Variants in NHS observed in about 807,000 individuals in gnomAD.
NHS encodes actin remodeling regulator NHS.
NHS carries 5 observed loss-of-function variants against 72.5 expected under a neutral mutation model. That is an observed-to-expected ratio of 0.07 (90% CI 0.04 to 0.14). The LOEUF (loss-of-function observed/expected upper bound fraction) is 0.14, where lower values mean the gene tolerates loss of function less well. NHS is among the 10% of genes least tolerant of loss of function. NHS has a pLI of 1.00. For synonymous variants in NHS, 464 were observed against 547.7 expected (o/e 0.85, Z 2.13); for missense variants, 1,072 against 1,355.7 (o/e 0.79, Z 3.29).
Position 17,724,329 on chromosome X carries a change from G to A in NHS, c.1139G>A (p.Arg380His), listed in dbSNP as rs2066427841. ...GGCTTTGACAGAGAGGCTAGTATAC[G>A]CTGCTCTCTGGTTCATTCACAATCG... is the stretch of plus-strand genomic sequence containing the variant. ...GVGFDREASI[R>H]CSLVHSQSVL... The change falls in exon 6 of 9, where the codon CGC becomes CAC. Residue 380 changes from arginine (R) to histidine (H), a missense_variant. Physicochemically the swap from Arg to His is conservative, Grantham distance 29. Coordinates refer to ENST00000676302, the MANE Select transcript of NHS (RefSeq NM_001291867.2). 2 of 1,211,319 alleles carry A rather than the reference G, an allele frequency of 1.7e-6. No homozygotes were observed. The highest frequency in any genetic ancestry group is 2.2e-6 in the Non-Finnish European group (2 of 895,208).
intron 1 of NHS, among the ~76,000 whole-genome samples, chrX:17,683,684 T>C (rs1181408788): frequency 1.8e-5 from 2 of 111,844 alleles, no homozygotes; most frequent in Admixed American, 1.9e-4. Context: ...CCACAAGAGC[T>C]TGTAGTCTTA....
At chrX:17,650,476 G>C (rs1226021935) in intron 1 of NHS, among the ~76,000 whole-genome samples, 3 of 112,232 alleles carry the variant, frequency 2.7e-5, no homozygotes. Flanking sequence ...TTTCAGTAAA[G>C]AAGTAAAATC....
At chrX:17,551,245 C>T (rs2065334746) in intron 1 of NHS, among the ~76,000 whole-genome samples, 1 of 111,864 alleles carries the variant, frequency 8.9e-6, no homozygotes, top group African/African-American at 3.3e-5. Context: ...CCTTATTTAA[C>T]ACTGTACCTG....
rs774571482 is a variant in NHS, at chrX:17,732,135, C to A, written c.4627C>A (p.Pro1543Thr). Reference protein sequence around the residue: ...RMSATEILKSPILPKPPGELT... With the variant: ...RMSATEILKSTILPKPPGELT... ...GTCTGCCACTGAGATCCTGAAGAGC[C>A]CCATACTGCCCAAACCTCCTGGGGA... The change falls in exon 9 of 9, where the codon CCC becomes ACC. Residue 1543 changes from proline to threonine, a missense_variant. Coordinates refer to ENST00000676302, the MANE Select transcript of NHS (RefSeq NM_001291867.2). 1.2e-5 allele frequency: 14 copies of A among 1,210,121 alleles called. No homozygotes were observed. The highest frequency in any genetic ancestry group is 1.5e-5 in the Non-Finnish European group (13 of 895,258).
intron 1 of NHS, among the ~76,000 whole-genome samples, chrX:17,542,869 T>C (rs142624660): frequency 0.026 from 2,912 of 111,901 alleles, 58 homozygotes; most frequent in Non-Finnish European, 0.041. Context: ...ACAAAATTGG[T>C]AGAATAATTA....
chrX:17,704,770 C>T (rs1214094341), intron 3 of NHS, among the ~76,000 whole-genome samples: 2 of 111,923 alleles, frequency 1.8e-5, no homozygotes, highest in Non-Finnish European at 3.8e-5. Flanking sequence ...TAAATAAAAA[C>T]TTCCAGACCA....
chrX:17,515,032 C>A (rs2065112727), intron 1 of NHS, among the ~76,000 whole-genome samples: 1 of 111,682 alleles, frequency 9.0e-6, no homozygotes, highest in African/African-American at 3.3e-5. Context: ...CAGCTTAGGT[C>A]ATCCTAGAGA....
At chrX:17,479,658 T>A (rs2064937798) in intron 1 of NHS, among the ~76,000 whole-genome samples, 1 of 112,533 alleles carries the variant, frequency 8.9e-6, no homozygotes, top group African/African-American at 3.2e-5. Context: ...GATGATGAGC[T>A]TTTTTTCATA....
chrX:17,381,671 C>T (rs375993999), intron 1 of NHS, among the ~76,000 whole-genome samples: 3 of 112,337 alleles, frequency 2.7e-5, no homozygotes, highest in African/African-American at 9.7e-5. Flanking sequence ...GTGTACATAC[C>T]ACAATTTCTT....
rs587780401 is a variant in NHS at position 17,376,088 on chromosome X, TCGG to T, written c.348_350del (p.Ala117del). ...GGCGCCCGCAGCCGGCGAGGCGTCCTCGGCGGCGGCGGCGGCGGCCGTGCTGCT... is the reference window on the plus strand; with the variant it reads ...GGCGCCCGCAGCCGGCGAGGCGTCCTCGGCGGCGGCGGCGGCCGTGCTGCT... On this transcript the variant is annotated inframe_deletion, in exon 1 of 9. Transcript: ENST00000676302. 1.4e-4 allele frequency: 155 copies of T among 1,074,393 alleles called. No individual in the cohort carries two copies. The highest frequency in any genetic ancestry group is 8.1e-4 in the Admixed American group (22 of 27,107). The allele number at this position is 1,074,393 out of a possible 1,213,427, so 88.5% of individuals were successfully genotyped here.
intron 1 of NHS, among the ~76,000 whole-genome samples, chrX:17,473,764 AATG>A (rs1327978890): frequency 1.8e-5 from 2 of 111,892 alleles, no homozygotes; most frequent in African/African-American, 6.5e-5. Flanking sequence ...CACATGTTGA[AATG>A]ATAATATTTT....
At chrX:17,632,324 C>A (rs938143332) in intron 1 of NHS, among the ~76,000 whole-genome samples, 31 of 111,042 alleles carry the variant, frequency 2.8e-4, no homozygotes, top group African/African-American at 9.8e-4. Flanking sequence ...CTATGATCAT[C>A]CCTCTCCTGA....
chrX:17,732,944 AATAG>A lies in NHS; in HGVS notation c.*483_*486del. Reference sequence around the variant, plus strand: ...ACCATATTTTTGATAAAAATGTGTAAATAGATTTATCAATGATGAGTGGACATGT... The same window carrying A: ...ACCATATTTTTGATAAAAATGTGTAAATTTATCAATGATGAGTGGACATGT... On this transcript the variant is annotated 3_prime_UTR_variant, in exon 9 of 9. Transcript: ENST00000676302. 6.9e-6 allele frequency: 1 copy of A among 145,817 alleles called. No individual in the cohort carries two copies. Among genetic ancestry groups the A allele is most frequent in the South Asian group, 1.8e-4 (1 of 5,687 alleles). The allele number at this position is 145,817 out of a possible 1,213,427, so 12.0% of individuals were successfully genotyped here.
chrX:17,504,290 T>C (rs1195629169), intron 1 of NHS, among the ~76,000 whole-genome samples: 1 of 112,109 alleles, frequency 8.9e-6, no homozygotes, highest in Non-Finnish European at 1.9e-5. Context: ...TCTGTGTATA[T>C]ATAGCTGTAT....
At chrX:17,438,534 G>A (rs1419046007) in intron 1 of NHS, among the ~76,000 whole-genome samples, 1 of 111,482 alleles carries the variant, frequency 9.0e-6, no homozygotes, top group East Asian at 2.8e-4. Context: ...GCATTATTGG[G>A]CCACCACAGA....
At chrX:17,661,668 G>A (rs1375521523) in intron 1 of NHS, among the ~76,000 whole-genome samples, 1 of 111,586 alleles carries the variant, frequency 9.0e-6, no homozygotes, top group Non-Finnish European at 1.9e-5. Context: ...ACTGTAGTCA[G>A]TGAGGGTGCA....
In NHS at chrX:17,583,942, C is replaced by T. The variant is rs149514181; in HGVS notation, c.566-103800C>T. ...TTATGCAAATGGATGTGGCAACCAGCAGATGTCCCTGATTCTTCTTCCTCT... is the reference window on the plus strand; with the variant it reads ...TTATGCAAATGGATGTGGCAACCAGTAGATGTCCCTGATTCTTCTTCCTCT... On this transcript the variant is annotated intron_variant, in intron 1 of 8. Coordinates refer to ENST00000676302, the MANE Select transcript of NHS (RefSeq NM_001291867.2). Among the ~76,000 whole-genome samples the T allele has an allele frequency of 5.2e-3, 584 of 112,108 alleles. 4 individuals are homozygous for T. The highest frequency in any genetic ancestry group is 0.018 in the African/African-American group (564 of 30,859).
At chrX:17,567,201 T>C (rs2065448684) in intron 1 of NHS, among the ~76,000 whole-genome samples, 1 of 112,178 alleles carries the variant, frequency 8.9e-6, no homozygotes, top group Non-Finnish European at 1.9e-5. Context: ...GGTCTGATTC[T>C]CAGTGTTTCT....
chrX:17,574,282 C>G (rs2065497775), intron 1 of NHS, among the ~76,000 whole-genome samples: 2 of 112,517 alleles, frequency 1.8e-5, no homozygotes, highest in South Asian at 7.4e-4. Flanking sequence ...TGCCCTGCCC[C>G]CAGAGGTGGA....
Sources: gnomAD v4.1 joint callset for allele counts (sites outside exome capture counted in the v4.1 genomes callset) on GRCh38, gnomAD v4.1.1 for gene constraint, MANE v1.5 for transcripts, NCBI Gene and HGNC (gene_info 2026-07-23, HGNC 2026-07-21) for gene names.